POU2AF3: variants seen among roughly 807,000 people sequenced by gnomAD.
The protein encoded by POU2AF3 is POU class 2 homeobox associating factor 3, also known as cancer susceptibility candidate 13.
the POU2AF3 span, chr11:111,308,282 T>A: frequency 6.4e-7 from 1 of 1,551,802 alleles, no homozygotes; most frequent in Non-Finnish European, 8.7e-7. Context: ...CACCTCCATC[T>A]GCTACTGCGC....
chr11:111,307,577 CTT>C, the POU2AF3 span, among the ~76,000 whole-genome samples: 1 of 152,202 alleles, frequency 6.6e-6, no homozygotes, highest in Non-Finnish European at 1.5e-5. Flanking sequence ...GGGAACAAGA[CTT>C]TAGTGGCGAG....
the POU2AF3 span, chr11:111,306,478 A>G: frequency 2.6e-6 from 4 of 1,513,802 alleles, no homozygotes; most frequent in South Asian, 5.1e-5. Flanking sequence ...TCATGTGAAG[A>G]AAACTCAAGC....
the POU2AF3 span, among the ~76,000 whole-genome samples, chr11:111,302,698 G>C: frequency 6.6e-6 from 1 of 152,310 alleles, no homozygotes; most frequent in Non-Finnish European, 1.5e-5. Context: ...GCAGAGTAAA[G>C]CCTGCTCTAC....
At chr11:111,298,800 C>A in the POU2AF3 span, 1 of 1,199,976 alleles carries the variant, frequency 8.3e-7, no homozygotes. Flanking sequence ...GCCGAGTTGG[C>A]CGCTCCGGAC....
At chr11:111,298,826 G>GGGGGCCCCCCCCC in the POU2AF3 span, 1 of 790,962 alleles carries the variant, frequency 1.3e-6, no homozygotes, top group Non-Finnish European at 1.7e-6. Context: ...CGTACCCCAG[G>GGGGGCCCCCCCCC]CCCCCGCCCG....
At chr11:111,306,274 C>T in the POU2AF3 span, 102 of 482,836 alleles carry the variant, frequency 2.1e-4, 1 homozygote, top group South Asian at 3.9e-3. Flanking sequence ...GTTTACTTTT[C>T]TGGATTTGTT....
the POU2AF3 span, chr11:111,306,390 C>CAAAAAA: frequency 3.5e-6 from 5 of 1,442,806 alleles, no homozygotes; most frequent in Non-Finnish European, 4.5e-6. Flanking sequence ...CCTTTCTCCT[C>CAAAAAA]TAGGACTGTA....
At chr11:111,300,179 G>C in the POU2AF3 span, 2 of 341,658 alleles carry the variant, frequency 5.9e-6, no homozygotes, top group African/African-American at 4.2e-5. Context: ...GAAAGCCAAG[G>C]TTCCCCCGAC....
chr11:111,308,498 T>C, the POU2AF3 span: 1 of 1,447,538 alleles, frequency 6.9e-7, no homozygotes, highest in Non-Finnish European at 9.2e-7. Context: ...CACGTCTAGA[T>C]GACACTGCAA....
At chr11:111,299,452 CT>C in the POU2AF3 span, 1 of 1,061,068 alleles carries the variant, frequency 9.4e-7, no homozygotes, top group Non-Finnish European at 1.1e-6. Context: ...CTCACTGCGG[CT>C]TTTCGGGGCC....
chr11:111,304,728 C>T, the POU2AF3 span: 3 of 385,760 alleles, frequency 7.8e-6, no homozygotes, highest in Non-Finnish European at 1.4e-5. Flanking sequence ...GACACTTTCC[C>T]TTTCACTTGT....
At chr11:111,302,156 AC>A in the POU2AF3 span, among the ~76,000 whole-genome samples, 166 of 152,278 alleles carry the variant, frequency 1.1e-3, no homozygotes, top group Admixed American at 2.8e-3. Flanking sequence ...AAAATTCAAA[AC>A]CTTGAAGTTG....
chr11:111,303,486 T>G, the POU2AF3 span, among the ~76,000 whole-genome samples: 2 of 152,108 alleles, frequency 1.3e-5, no homozygotes, highest in Non-Finnish European at 2.9e-5. Context: ...AAAGATAATA[T>G]CAAGTAGGAT....
chr11:111,308,091 C>T, the POU2AF3 span: 4 of 1,512,334 alleles, frequency 2.6e-6, no homozygotes, highest in Admixed American at 8.9e-5. Context: ...CCTTCAAATT[C>T]CTCCATTCTC....
chr11:111,300,145 CCT>C, the POU2AF3 span: 1 of 365,750 alleles, frequency 2.7e-6, no homozygotes, highest in Non-Finnish European at 4.9e-6. Flanking sequence ...TCCATAATAC[CCT>C]CTCTCTCGGC....
chr11:111,300,844 C>A, the POU2AF3 span, among the ~76,000 whole-genome samples: 1 of 152,238 alleles, frequency 6.6e-6, no homozygotes, highest in African/African-American at 2.4e-5. Context: ...GGAGCCCATC[C>A]ATCCCCCATG....
chr11:111,306,639 T>C, the POU2AF3 span: 1 of 1,524,568 alleles, frequency 6.6e-7, no homozygotes, highest in Non-Finnish European at 8.9e-7. Context: ...TTTTCTCAGT[T>C]CTTTATATAC....
the POU2AF3 span, chr11:111,306,446 G>T: frequency 6.7e-7 from 1 of 1,493,550 alleles, no homozygotes. Flanking sequence ...ATTTGCAACG[G>T]GGAGAATTTT....
At chr11:111,299,024 C>T in the POU2AF3 span, 4 of 992,482 alleles carry the variant, frequency 4.0e-6, no homozygotes, top group Non-Finnish European at 4.8e-6. Flanking sequence ...CCGCGGAGTC[C>T]GGAGCCGATC....
Sources: allele counts gnomAD v4.1 joint callset (sites outside exome capture counted in the v4.1 genomes callset), GRCh38; gene constraint gnomAD v4.1.1; transcripts MANE v1.5; gene names NCBI Gene and HGNC (gene_info 2026-07-23, HGNC 2026-07-21).